HAAO: variants seen among roughly 807,000 people sequenced by gnomAD.
HAAO encodes the protein 3-hydroxyanthranilate oxygenase.
A neutral mutation model predicts 46.2 loss-of-function variants in HAAO; 49 were observed. The ratio of observed to expected loss-of-function variants is 1.06; its 90% CI spans 0.84 to 1.34. The LOEUF (loss-of-function observed/expected upper bound fraction) is 1.34, where lower values mean the gene tolerates loss of function less well. Among genes scored for constraint, HAAO ranks in the 40% most tolerant of loss-of-function variants. The probability of loss-of-function intolerance (pLI) is 0.00; values close to 1 mark genes in which losing one functional copy is unlikely to be tolerated. For missense variants in HAAO, 408 were observed against 364.5 expected, an observed-to-expected ratio of 1.12 and a Z score of -0.97; for synonymous variants, 157 against 145.2, an observed-to-expected ratio of 1.08 and a Z score of -0.58.
rs1670741236 is a variant in HAAO, at chr2:42,767,389, C to T, written c.*48G>A. On this transcript the variant is annotated 3_prime_UTR_variant, in exon 10 of 10. Coordinates refer to ENST00000294973, the MANE Select transcript of HAAO (RefSeq NM_012205.3). ...AGAGTTGTTTGGCAGGGATGGCACT[C>T]GAGGGTGCTTGGCACACCTGTGGCT... 12 of 1,353,686 alleles carry T rather than the reference C, an allele frequency of 8.9e-6. No homozygotes were observed. Among genetic ancestry groups the T allele is most frequent in the South Asian group, 4.8e-5 (4 of 83,730 alleles). The allele number at this position is 1,353,686 out of a possible 1,614,324, so 83.9% of individuals were successfully genotyped here. A position where few individuals can be genotyped will look rare whatever the true frequency, so the allele number is the denominator to read the frequency against.
At position 42,767,941 on chromosome 2, in the gene HAAO, G is replaced by A. The variant is rs376148327; in HGVS notation, c.631-13C>T. The A allele has an allele frequency of 3.3e-5, 53 of 1,611,846 alleles. No homozygotes were observed. Among genetic ancestry groups the A allele is most frequent in the Admixed American group, 5.0e-5 (3 of 60,002 alleles). On this transcript the variant is annotated splice_polypyrimidine_tract_variant and intron_variant, in intron 7 of 9. Transcript: ENST00000294973. ...CATAGGCGATCACCTGGTGGGAGGT[G>A]AAACAGAAACTTCTGGTGCTTCTTG...
intron 1 of HAAO, among the ~76,000 whole-genome samples, chr2:42,790,810 G>T (rs542001694): frequency 6.6e-6 from 1 of 152,176 alleles, no homozygotes; most frequent in Admixed American, 6.5e-5. Flanking sequence ...GGGATTACAG[G>T]CATGAGCCAC....
chr2:42,767,606 T>C lies in HAAO; in HGVS notation c.771A>G (p.Leu257=). 1 of 1,575,356 alleles carries C rather than the reference T, an allele frequency of 6.3e-7. No homozygotes were observed. The change falls in exon 9 of 10, where the codon CTA becomes CTG. Residue 257 remains leucine, a synonymous_variant. Coordinates refer to ENST00000294973, the MANE Select transcript of HAAO (RefSeq NM_012205.3). ...SLAPDDSLLV[L]AGTSYAWERT... The stretch of plus-strand genomic sequence containing the variant: ...CCCTGCGTACTCACGAGGTCCCAGC[T>C]AGCACCAGGAGGCTGTCATCAGGGG...
At chr2:42,777,399 C>T (rs1432080017) in intron 4 of HAAO, among the ~76,000 whole-genome samples, 1 of 150,788 alleles carries the variant, frequency 6.6e-6, no homozygotes, top group African/African-American at 2.4e-5. Flanking sequence ...ATAAGATGCA[C>T]TTCTATTAGC....
rs149234205 is a variant in HAAO at position 42,785,751 on chromosome 2, A to G, written c.160-1884T>C. 4.6e-5 allele frequency among the ~76,000 whole-genome samples: 7 copies of G among 152,084 alleles called. No individual in the cohort carries two copies. In the South Asian group the frequency reaches 6.2e-4, roughly 14 times the overall value. On this transcript the variant is annotated intron_variant, in intron 2 of 9. Coordinates refer to ENST00000294973, the MANE Select transcript of HAAO (RefSeq NM_012205.3). ...GTGATGTGTGCCTGTAGTCCTAACT[A>G]TCTGGGAGCCTGAGGTGGGAGGATC...
chr2:42,779,609 C>G (rs878891679), intron 4 of HAAO, among the ~76,000 whole-genome samples: 1 of 152,148 alleles, frequency 6.6e-6, no homozygotes, highest in Non-Finnish European at 1.5e-5. Flanking sequence ...CGTGAGCCAC[C>G]GCGCCCAGCT....
At chr2:42,781,381 C>G (rs1410985426) in intron 4 of HAAO, among the ~76,000 whole-genome samples, 1 of 152,082 alleles carries the variant, frequency 6.6e-6, no homozygotes, top group Non-Finnish European at 1.5e-5. Context: ...GGTTTCTGAC[C>G]TTTGGTAAGT....
chr2:42,783,859 G>A lies in HAAO; in HGVS notation c.168C>T (p.Tyr56=). ...YHIEEGEEVF[Y]QLEGDMVLRV... ...GGAGAACCATGTCTCCCTCCAGCTG[G>A]TAAAATACCTGTGGGACAGGAGAGA... Residue 56 remains tyrosine, a synonymous_variant, in exon 3 of 10, where the codon TAC becomes TAT. Coordinates refer to ENST00000294973, the MANE Select transcript of HAAO (RefSeq NM_012205.3). 2 of 1,610,366 alleles carry A rather than the reference G, an allele frequency of 1.2e-6. No homozygotes were observed. Among genetic ancestry groups the A allele is most frequent in the Non-Finnish European group, 8.5e-7 (1 of 1,178,348 alleles).
Position 42,770,123 on chromosome 2 carries a change from G to A in HAAO, c.484+20C>T, listed in dbSNP as rs759932757. 2 of 1,600,492 alleles carry A rather than the reference G, an allele frequency of 1.2e-6. No individual in the cohort carries two copies. The highest frequency in any genetic ancestry group is 8.5e-7 in the Non-Finnish European group (1 of 1,171,630). ...GAAGGGGAGGGAGGGAAGGAGAAGG[G>A]CAGTTCCCAGCGGCCTCACCAGGGA... On this transcript the variant is annotated intron_variant, in intron 6 of 9. Coordinates refer to ENST00000294973, the MANE Select transcript of HAAO (RefSeq NM_012205.3).
intron 4 of HAAO, among the ~76,000 whole-genome samples, chr2:42,781,354 A>T (rs1188401546): frequency 6.6e-6 from 1 of 152,134 alleles, no homozygotes; most frequent in African/African-American, 2.4e-5. Context: ...AACTGGCCTC[A>T]TATCTTCCCT....
rs1047319456 is a variant in HAAO at position 42,783,859 on chromosome 2, G to C, written c.168C>G (p.Tyr56Ter). Reference protein sequence around the residue: ...YHIEEGEEVFYQLEGDMVLRV... With the variant: ...YHIEEGEEVF ...GGAGAACCATGTCTCCCTCCAGCTGGTAAAATACCTGTGGGACAGGAGAGA... is the reference window on the plus strand; with the variant it reads ...GGAGAACCATGTCTCCCTCCAGCTGCTAAAATACCTGTGGGACAGGAGAGA... The change falls in exon 3 of 10, where the codon TAC (tyrosine) becomes TAG (stop). Residue 56 changes from tyrosine (Y) to a stop codon, truncating the protein, a stop_gained. Transcript: ENST00000294973. LOFTEE classifies it high-confidence loss of function. The C allele has an allele frequency of 6.2e-7, 1 of 1,610,366 alleles. No homozygotes were observed. The highest frequency in any genetic ancestry group is 8.5e-7 in the Non-Finnish European group (1 of 1,178,348).
intron 1 of HAAO, 59 bp downstream of exon 1, chr2:42,792,398 C>A (rs1303477342): frequency 1.9e-5 from 17 of 895,608 alleles, no homozygotes; most frequent in East Asian, 2.9e-5. Context: ...GGTGAGGGCG[C>A]AGATGGAGGA....
At chr2:42,772,178 T>A (rs532821431) in intron 4 of HAAO, among the ~76,000 whole-genome samples, 1 of 152,198 alleles carries the variant, frequency 6.6e-6, no homozygotes, top group South Asian at 2.1e-4. Flanking sequence ...TTGAAAAGAT[T>A]TAATAGTGTA....
At position 42,767,377 on chromosome 2, in the gene HAAO, A is replaced by AG; in HGVS notation, c.*59dup. ...GTGGGGGCTGGGAGAGTTGTTTGGCAGGGATGGCACTCGAGGGTGCTTGGC... is the reference window on the plus strand; with the variant it reads ...GTGGGGGCTGGGAGAGTTGTTTGGCAGGGGATGGCACTCGAGGGTGCTTGGC... On this transcript the variant is annotated 3_prime_UTR_variant, in exon 10 of 10. Transcript: ENST00000294973. 8.5e-7 allele frequency: 1 copy of AG among 1,175,900 alleles called. No homozygotes were observed. Among genetic ancestry groups the AG allele is most frequent in the Non-Finnish European group, 1.3e-6 (1 of 790,748 alleles). 72.8% of individuals were successfully genotyped at this position (1,175,900 alleles called of 1,614,324 possible). A position where few individuals can be genotyped will look rare whatever the true frequency, so the allele number is the denominator to read the frequency against.
chr2:42,769,520 C>T (rs576224239), intron 7 of HAAO, among the ~76,000 whole-genome samples, 193 bp downstream of exon 7: 39 of 152,112 alleles, frequency 2.6e-4, no homozygotes, highest in Non-Finnish European at 4.3e-4. Context: ...TCGCCTTCTG[C>T]GTCAGGGAGG....
In HAAO at chr2:42,769,806, C is replaced by A; in HGVS notation, c.537G>T (p.Glu179Asp). 6.2e-7 allele frequency: 1 copy of A among 1,613,934 alleles called. No homozygotes were observed. Among genetic ancestry groups the A allele is most frequent in the Non-Finnish European group, 8.5e-7 (1 of 1,179,948 alleles). ...CCAGCCAGGCATCCAGGGACATGGG[C>A]TCCATGATGGATCGTGTGCTCAGAG... ...PFPLSTRSIM[E>D]PMSLDAWLDS... Residue 179 changes from glutamate to aspartate, a missense_variant, in exon 7 of 10, where the codon GAG (glutamate) becomes GAT (aspartate). Glu to Asp is a conservative substitution (Grantham distance 45). Coordinates refer to ENST00000294973, the MANE Select transcript of HAAO (RefSeq NM_012205.3).
At chr2:42,773,080 G>A (rs762433547) in intron 4 of HAAO, among the ~76,000 whole-genome samples, 2 of 152,162 alleles carry the variant, frequency 1.3e-5, no homozygotes, top group Non-Finnish European at 2.9e-5. Flanking sequence ...CATGGAATCA[G>A]AATGCTGACA....
At chr2:42,792,331 C>G in intron 1 of HAAO, 126 bp downstream of exon 1, 1 of 530,624 alleles carries the variant, frequency 1.9e-6, no homozygotes. Flanking sequence ...CCCCAAGAAC[C>G]AAGAGATTAA....
At chr2:42,781,552 A>T (rs1312153414) in intron 4 of HAAO, among the ~76,000 whole-genome samples, 1 of 152,212 alleles carries the variant, frequency 6.6e-6, no homozygotes, top group Non-Finnish European at 1.5e-5. Flanking sequence ...AGTTCCATCA[A>T]AGCCAATTTA....
Sources: allele counts gnomAD v4.1 joint callset (sites outside exome capture counted in the v4.1 genomes callset), GRCh38; gene constraint gnomAD v4.1.1; transcripts MANE v1.5; gene names NCBI Gene and HGNC (gene_info 2026-07-23, HGNC 2026-07-21).